Variants in CADM2 observed in about 807,000 individuals in gnomAD.
CADM2 encodes cell adhesion molecule 2, also known as immunoglobulin superfamily member 4D.
Under a neutral mutation model 49.8 loss-of-function variants are expected in CADM2, and 12 were observed. That is an observed-to-expected ratio of 0.24 (90% confidence interval 0.15 to 0.39). The LOEUF is 0.39. Among genes scored for constraint, CADM2 ranks in the 10% least tolerant of loss-of-function variants. The probability of loss-of-function intolerance (pLI) is 1.00; values close to 1 mark genes in which losing one functional copy is unlikely to be tolerated. For synonymous variants in CADM2, 214 were observed against 175.4 expected, an observed-to-expected ratio of 1.22 and a Z score of -1.74; for missense variants, 378 against 492.3, an observed-to-expected ratio of 0.77 and a Z score of 2.20.
chr3:85,557,243 A>T (rs1392876539), intron 1 of CADM2, among the ~76,000 whole-genome samples: 1 of 152,060 alleles, frequency 6.6e-6, no homozygotes. Context: ...ACATATATTT[A>T]TGTGTATGTA....
intron 2 of CADM2, among the ~76,000 whole-genome samples, chr3:85,774,328 T>A (rs1392469369): frequency 6.6e-6 from 1 of 151,804 alleles, no homozygotes; most frequent in African/African-American, 2.4e-5. Context: ...CAGTATTATT[T>A]ATGGTAGAAT....
chr3:85,284,093 T>C (rs938787446), intron 1 of CADM2, among the ~76,000 whole-genome samples: 1 of 152,128 alleles, frequency 6.6e-6, no homozygotes, highest in Non-Finnish European at 1.5e-5. Context: ...TTTTAAAAAC[T>C]CTGCCAGATA....
rs1321948477 is a variant in CADM2 at position 86,067,543 on chromosome 3, A to G, written c.*760A>G. On this transcript the variant is annotated 3_prime_UTR_variant, in exon 10 of 10. Transcript: ENST00000383699. The stretch of plus-strand genomic sequence containing the variant: ...ATTTACTGCTTTTGGAATCACAAAT[A>G]TTTAATTCATTTCTCTAATTTGATT... The G allele has an allele frequency of 6.6e-6, 1 of 152,528 alleles. No homozygotes were observed. The highest frequency in any genetic ancestry group is 1.9e-4 in the East Asian group (1 of 5,198). The allele number at this position is 152,528 out of a possible 1,614,324, so 9.4% of individuals were successfully genotyped here. A position where few individuals can be genotyped will look rare whatever the true frequency, so the allele number is the denominator to read the frequency against.
intron 1 of CADM2, among the ~76,000 whole-genome samples, chr3:85,460,499 G>A (rs2038195531): frequency 6.6e-6 from 1 of 152,102 alleles, no homozygotes; most frequent in Admixed American, 6.5e-5. Context: ...AGAATGCAGG[G>A]AAACCTTAAG....
intron 7 of CADM2, among the ~76,000 whole-genome samples, chr3:85,953,254 C>A (rs531241495): frequency 4.0e-4 from 60 of 151,142 alleles, no homozygotes; most frequent in African/African-American, 1.4e-3. Context: ...TCTTCATACA[C>A]AACTTATAGT....
intron 1 of CADM2, among the ~76,000 whole-genome samples, chr3:85,603,695 G>A (rs1306427199): frequency 6.6e-6 from 1 of 151,720 alleles, no homozygotes; most frequent in African/African-American, 2.4e-5. Context: ...GAGATCTGGT[G>A]TCATTTCACC....
At chr3:85,627,848 T>C (rs1035209199) in intron 1 of CADM2, among the ~76,000 whole-genome samples, 1 of 152,030 alleles carries the variant, frequency 6.6e-6, no homozygotes, top group Non-Finnish European at 1.5e-5. Context: ...AGGTAGAGAA[T>C]TGGACAACTG....
intron 1 of CADM2, among the ~76,000 whole-genome samples, chr3:85,578,924 T>G (rs1417836582): frequency 2.0e-5 from 3 of 152,198 alleles, no homozygotes; most frequent in Non-Finnish European, 4.4e-5. Flanking sequence ...ACTCTTAAAA[T>G]TTAACAAAGT....
chr3:85,131,852 G>A (rs1323083971), intron 1 of CADM2, among the ~76,000 whole-genome samples: 1 of 150,324 alleles, frequency 6.7e-6, no homozygotes, highest in African/African-American at 2.5e-5. Flanking sequence ...TAAATAACTG[G>A]ACTATTTGTA....
At chr3:85,093,342 C>T (rs1314267412) in intron 1 of CADM2, among the ~76,000 whole-genome samples, 4 of 151,952 alleles carry the variant, frequency 2.6e-5, no homozygotes, top group South Asian at 2.1e-4. Flanking sequence ...GAAACCCCAC[C>T]TCTACTAAAA....
chr3:85,464,204 T>C (rs1377606499), intron 1 of CADM2, among the ~76,000 whole-genome samples: 1 of 152,158 alleles, frequency 6.6e-6, no homozygotes, highest in African/African-American at 2.4e-5. Flanking sequence ...TCCACATGTG[T>C]ATAAAATATA....
intron 2 of CADM2, among the ~76,000 whole-genome samples, chr3:85,798,431 G>C (rs1344134216): frequency 1.3e-5 from 2 of 152,098 alleles, no homozygotes; most frequent in Non-Finnish European, 2.9e-5. Context: ...AATCCATCTT[G>C]AGTTAATTTT....
At chr3:85,604,781 C>A (rs2063502988) in intron 1 of CADM2, among the ~76,000 whole-genome samples, 1 of 152,010 alleles carries the variant, frequency 6.6e-6, no homozygotes, top group South Asian at 2.1e-4. Flanking sequence ...GGAATTCAAT[C>A]CATCACTGCT....
chr3:85,946,585 T>C (rs1347917299), intron 7 of CADM2, among the ~76,000 whole-genome samples: 1 of 151,916 alleles, frequency 6.6e-6, no homozygotes, highest in African/African-American at 2.4e-5. Flanking sequence ...ATGGTACTGG[T>C]ACCAAAACAG....
intron 1 of CADM2, among the ~76,000 whole-genome samples, chr3:85,029,346 T>A (rs969889505): frequency 1.3e-5 from 2 of 152,094 alleles, no homozygotes; most frequent in Non-Finnish European, 2.9e-5. Flanking sequence ...ATTCTAAGTG[T>A]GAAAAAATGG....
At chr3:85,458,080 A>G (rs1036389948) in intron 1 of CADM2, among the ~76,000 whole-genome samples, 14 of 152,150 alleles carry the variant, frequency 9.2e-5, no homozygotes, top group Admixed American at 2.0e-4. Context: ...TCCTTTGTTT[A>G]TGATCTTCCT....
intron 5 of CADM2, among the ~76,000 whole-genome samples, chr3:85,891,118 T>G (rs1436321982): frequency 6.6e-6 from 1 of 152,164 alleles, no homozygotes; most frequent in African/African-American, 2.4e-5. Context: ...CAGAAATCCC[T>G]TTGGTGCCTC....
chr3:85,928,433 A>G (rs1720174331), intron 6 of CADM2, among the ~76,000 whole-genome samples: 1 of 152,196 alleles, frequency 6.6e-6, no homozygotes, highest in Admixed American at 6.5e-5. Context: ...CTGGGATTAC[A>G]GGCGTGAGCC....
chr3:86,020,366 G>A (rs575691935), intron 8 of CADM2, among the ~76,000 whole-genome samples: 88 of 152,024 alleles, frequency 5.8e-4, no homozygotes, highest in Non-Finnish European at 1.1e-3. Context: ...ACCAAAAAGA[G>A]TCCAGGACCA....
Sources: gnomAD v4.1 joint callset for allele counts (sites outside exome capture counted in the v4.1 genomes callset) on GRCh38, gnomAD v4.1.1 for gene constraint, MANE v1.5 for transcripts, NCBI Gene and HGNC (gene_info 2026-07-23, HGNC 2026-07-21) for gene names.